Variants in MYO16 observed in about 807,000 individuals in gnomAD.
MYO16 encodes myosin XVI, also known as unconventional myosin-XVI.
In MYO16, 94 loss-of-function variants were observed where a neutral mutation model predicts 205.3. The observed-to-expected ratio is 0.46, with a 90% CI of 0.39 to 0.54. MYO16 has a LOEUF of 0.54. MYO16 is among the 20% of genes least tolerant of loss of function. The probability of loss-of-function intolerance (pLI) is 0.00; values close to 1 mark genes in which losing one functional copy is unlikely to be tolerated. For missense variants in MYO16, 2,315 were observed against 2,387.5 expected, an observed-to-expected ratio of 0.97 and a Z score of 0.63; for synonymous variants, 988 against 954.0, an observed-to-expected ratio of 1.04 and a Z score of -0.66.
chr13:109,051,072 T>C (rs1052562506), intron 24 of MYO16, among the ~76,000 whole-genome samples: 3 of 152,200 alleles, frequency 2.0e-5, no homozygotes, highest in Non-Finnish European at 4.4e-5. Flanking sequence ...TTTTGGAATC[T>C]GAACATTTAA....
chr13:108,608,881 G>A (rs1052670898), intron 1 of MYO16, among the ~76,000 whole-genome samples: 1 of 151,988 alleles, frequency 6.6e-6, no homozygotes, highest in Non-Finnish European at 1.5e-5. Flanking sequence ...CGACCTCAGG[G>A]GATCCACCTG....
At chr13:108,766,805 T>A (rs909376381) in intron 4 of MYO16, among the ~76,000 whole-genome samples, 1 of 152,178 alleles carries the variant, frequency 6.6e-6, no homozygotes, top group Admixed American at 6.5e-5. Context: ...CCTGATTCAT[T>A]TGAAGGTTTA....
intron 32 of MYO16, among the ~76,000 whole-genome samples, chr13:109,158,553 C>G (rs1485169361): frequency 6.6e-6 from 1 of 152,146 alleles, no homozygotes; most frequent in African/African-American, 2.4e-5. Flanking sequence ...CCGGAGGTGA[C>G]GTTGCCTTTG....
intron 1 of MYO16, among the ~76,000 whole-genome samples, chr13:108,660,913 G>A (rs994529513): frequency 6.6e-6 from 1 of 152,054 alleles, no homozygotes; most frequent in African/African-American, 2.4e-5. Context: ...GCTTTAAAGA[G>A]GTCCTGTTTT....
chr13:108,614,069 T>C (rs1405317219), intron 1 of MYO16, among the ~76,000 whole-genome samples: 1 of 152,104 alleles, frequency 6.6e-6, no homozygotes, highest in Non-Finnish European at 1.5e-5. Context: ...TGATCTTGCA[T>C]ATAGAAAATT....
Position 108,866,163 on chromosome 13 carries a change from C to T in MYO16, c.1360-14C>T. 1.3e-6 allele frequency: 2 copies of T among 1,585,664 alleles called. No homozygotes were observed. Among genetic ancestry groups the T allele is most frequent in the South Asian group, 2.3e-5 (2 of 87,650 alleles). ...TATATGACTCATGAACTGTTTGCAT[C>T]CCTTTTTTCACAGACATTCATTGGA... On this transcript the variant is annotated splice_polypyrimidine_tract_variant and intron_variant, in intron 11 of 34. Coordinates refer to ENST00000457511, the MANE Select transcript of MYO16 (RefSeq NM_001198950.3).
rs1887277619 is a variant in MYO16, at chr13:109,052,497, G to T, written c.3048+22G>T. 2.0e-6 allele frequency: 3 copies of T among 1,521,944 alleles called. No homozygotes were observed. In the East Asian group the frequency reaches 6.8e-5, roughly 35 times the overall value. The allele number at this position is 1,521,944 out of a possible 1,614,324, so 94.3% of individuals were successfully genotyped here. A position where few individuals can be genotyped will look rare whatever the true frequency, so the allele number is the denominator to read the frequency against. ...TAAGGTAGGAGTTTTTATGATTATT[G>T]TTGGATTATTTTTAATTTTGATAAG... On this transcript the variant is annotated intron_variant, in intron 25 of 34. Transcript: ENST00000457511.
At chr13:108,765,974 C>T (rs957050686) in intron 4 of MYO16, among the ~76,000 whole-genome samples, 8 of 152,004 alleles carry the variant, frequency 5.3e-5, no homozygotes, top group African/African-American at 1.9e-4. Flanking sequence ...TTTTTATGAC[C>T]ATAAAAATGT....
rs535078627 is a variant in MYO16, at chr13:108,899,914, G to C, written c.1777+1781G>C. 3.9e-5 allele frequency among the ~76,000 whole-genome samples: 6 copies of C among 152,356 alleles called. No homozygotes were observed. The South Asian group carries it at 1.0e-3, about 26-fold the overall frequency. On this transcript the variant is annotated intron_variant, in intron 15 of 34. Transcript: ENST00000457511. ...TACTCCAGACTGGCTGATGGAGACT[G>C]CAGTTTAACAAGATTCCAGGTGATT...
chr13:108,618,649 C>A (rs981682223), intron 1 of MYO16, among the ~76,000 whole-genome samples: 1 of 152,168 alleles, frequency 6.6e-6, no homozygotes, highest in Non-Finnish European at 1.5e-5. Flanking sequence ...GCAGTGACTG[C>A]CCCTTATTTG....
chr13:108,976,796 A>G (rs545196334), intron 20 of MYO16, among the ~76,000 whole-genome samples: 52 of 152,238 alleles, frequency 3.4e-4, no homozygotes, highest in African/African-American at 1.2e-3. Context: ...TTTATATGCT[A>G]TCTTTTTTGG....
At chr13:108,585,107 G>A in the MYO16 span, among the ~76,000 whole-genome samples, 1 of 152,156 alleles carries the variant, frequency 6.6e-6, no homozygotes, top group African/African-American at 2.4e-5. Context: ...GTTGACGAAA[G>A]AGTCAAACTC....
intron 7 of MYO16, among the ~76,000 whole-genome samples, chr13:108,807,461 T>A (rs901357166): frequency 3.3e-5 from 5 of 152,210 alleles, no homozygotes; most frequent in African/African-American, 1.2e-4. Flanking sequence ...AAAAAAGATC[T>A]ATTTATTCAA....
At chr13:108,753,812 G>A (rs556112213) in intron 4 of MYO16, among the ~76,000 whole-genome samples, 7 of 152,246 alleles carry the variant, frequency 4.6e-5, no homozygotes, top group African/African-American at 1.7e-4. Context: ...CACAAAGTAG[G>A]AGTCAGCACC....
At chr13:108,558,537 A>G in the MYO16 span, among the ~76,000 whole-genome samples, 6 of 152,194 alleles carry the variant, frequency 3.9e-5, no homozygotes, top group Non-Finnish European at 7.3e-5. Context: ...GTACTTGAAG[A>G]TAAAATCTCC....
intron 16 of MYO16, among the ~76,000 whole-genome samples, chr13:108,951,103 T>C (rs1434170307): frequency 6.6e-6 from 1 of 152,184 alleles, no homozygotes; most frequent in Non-Finnish European, 1.5e-5. Context: ...CTTTTTCTTA[T>C]GATTACGCGT....
rs933888541 is a variant in MYO16, at chr13:108,635,505, TTA to T, written c.28+5635_28+5636del. 3.7e-4 allele frequency among the ~76,000 whole-genome samples: 51 copies of T among 139,202 alleles called. 2 individuals are homozygous for T. The South Asian group carries it at 0.013, about 36-fold the overall frequency. The allele number at this position is 139,202 out of a possible 152,430, so 91.3% of individuals were successfully genotyped here. A position where few individuals can be genotyped will look rare whatever the true frequency, so the allele number is the denominator to read the frequency against. ...AATGTGGTGTAGATGGTTTACCTATTTATTTTTTTTTTTTTGAGGGAGTCTCA... is the reference window on the plus strand; with the variant it reads ...AATGTGGTGTAGATGGTTTACCTATTTTTTTTTTTTTTTGAGGGAGTCTCA... On this transcript the variant is annotated intron_variant, in intron 1 of 34. Transcript: ENST00000457511.
At chr13:109,062,297 T>C (rs1214824165) in intron 27 of MYO16, among the ~76,000 whole-genome samples, 1 of 152,172 alleles carries the variant, frequency 6.6e-6, no homozygotes, top group Non-Finnish European at 1.5e-5. Flanking sequence ...TCACAATGCT[T>C]GTGCATTGTC....
intron 9 of MYO16, among the ~76,000 whole-genome samples, chr13:108,837,707 G>A (rs944193975): frequency 1.3e-5 from 2 of 152,172 alleles, no homozygotes; most frequent in African/African-American, 4.8e-5. Flanking sequence ...TGTCTCCATA[G>A]TCTTAAGCCA....
Sources: allele counts gnomAD v4.1 joint callset (sites outside exome capture counted in the v4.1 genomes callset), GRCh38; gene constraint gnomAD v4.1.1; transcripts MANE v1.5; gene names NCBI Gene and HGNC (gene_info 2026-07-23, HGNC 2026-07-21).